ADD1: variants seen among roughly 807,000 people sequenced by gnomAD.
The protein encoded by ADD1 is adducin 1, also known as alpha-adducin.
ADD1 carries 24 observed loss-of-function variants against 80.5 expected under a neutral mutation model. That is an observed-to-expected ratio of 0.30 (90% CI 0.22 to 0.42). The LOEUF (loss-of-function observed/expected upper bound fraction) is 0.42, where lower values mean the gene tolerates loss of function less well. Among genes scored for constraint, ADD1 ranks in the 10% least tolerant of loss-of-function variants. The pLI is 1.00. For synonymous variants in ADD1, 373 were observed against 393.8 expected (o/e 0.95, Z 0.63); for missense variants, 948 against 1,019.0 (o/e 0.93, Z 0.95).
At chr4:2,915,558 G>A (rs1009336546) in intron 14 of ADD1, among the ~76,000 whole-genome samples, 1 of 152,160 alleles carries the variant, frequency 6.6e-6, no homozygotes, top group East Asian at 1.9e-4. Flanking sequence ...GGAGAATGGC[G>A]TGAACGTGGA....
intron 14 of ADD1, among the ~76,000 whole-genome samples, chr4:2,917,522 CTCTT>C: frequency 6.6e-6 from 1 of 152,274 alleles, no homozygotes. Flanking sequence ...TGTGCAGAAG[CTCTT>C]TAGTTTAATT....
intron 2 of ADD1, among the ~76,000 whole-genome samples, chr4:2,877,527 G>A (rs1295187209): frequency 6.6e-6 from 1 of 151,806 alleles, no homozygotes; most frequent in African/African-American, 2.4e-5. Context: ...CATTCTAGTC[G>A]AAGGAAATAA....
intron 1 of ADD1, chr4:2,854,929 C>A (rs1727842305): frequency 6.6e-6 from 1 of 152,210 alleles, no homozygotes. Context: ...CATTCTTCCT[C>A]TGGAGGTCGT....
Position 2,928,245 on chromosome 4 carries a change from C to A in ADD1, c.2122C>A (p.Pro708Thr). ...TAAGCCAACTCTCCCCGATCTGTCC[C>A]CTGATGAACCTTCAGAAGCACTCGG... ...TFKPTLPDLS[P>T]DEPSEALGFP... Residue 708 changes from proline (P) to threonine (T), a missense_variant, in exon 16 of 16, where the codon CCT becomes ACT. Transcript: ENST00000683351. 1 of 1,614,060 alleles carries A rather than the reference C, an allele frequency of 6.2e-7. No homozygotes were observed. The highest frequency in any genetic ancestry group is 8.5e-7 in the Non-Finnish European group (1 of 1,180,002).
chr4:2,898,492 C>T lies in ADD1; in HGVS notation c.945C>T (p.Phe315=). 1.2e-6 allele frequency: 2 copies of T among 1,614,214 alleles called. No individual in the cohort carries two copies. The highest frequency in any genetic ancestry group is 1.7e-6 in the Non-Finnish European group (2 of 1,180,032). The change falls in exon 8 of 16, where the codon TTC becomes TTT. Residue 315 remains phenylalanine (F), a synonymous_variant. Coordinates refer to ENST00000683351, the MANE Select transcript of ADD1 (RefSeq NM_001354761.2). ...VSVGESVEEA[F]YYIHNLVVAC... is the part of the protein sequence containing the mutation. Reference sequence around the variant, plus strand: ...TTGGAGAGAGCGTTGAGGAGGCCTTCTATTACATCCATAACCTTGTGGTTG... The same window carrying T: ...TTGGAGAGAGCGTTGAGGAGGCCTTTTATTACATCCATAACCTTGTGGTTG...
chr4:2,860,771 G>A (rs1728720561), intron 1 of ADD1, among the ~76,000 whole-genome samples: 1 of 152,160 alleles, frequency 6.6e-6, no homozygotes, highest in Non-Finnish European at 1.5e-5. Context: ...CATTTTACAT[G>A]CATTAACCTG....
At chr4:2,852,634 A>T (rs75033441) in intron 1 of ADD1, among the ~76,000 whole-genome samples, 2 of 151,288 alleles carry the variant, frequency 1.3e-5, no homozygotes, top group East Asian at 3.9e-4. Context: ...TGTCTGCAGC[A>T]TTCAGTGTCT....
chr4:2,847,891 C>A (rs1306886453), intron 1 of ADD1, among the ~76,000 whole-genome samples: 1 of 152,126 alleles, frequency 6.6e-6, no homozygotes, highest in African/African-American at 2.4e-5. Flanking sequence ...ATGCATCTAT[C>A]TCAGTGAGCA....
chr4:2,876,169 G>A, intron 2 of ADD1, 59 bp downstream of exon 2: 1 of 1,524,830 alleles, frequency 6.6e-7, no homozygotes, highest in African/African-American at 1.4e-5. Context: ...AATACTTCAG[G>A]TCTTATGCCC....
At chr4:2,846,854 A>C (rs1160825860) in intron 1 of ADD1, among the ~76,000 whole-genome samples, 1 of 150,004 alleles carries the variant, frequency 6.7e-6, no homozygotes, top group Non-Finnish European at 1.5e-5. Context: ...GTGGTGGCTC[A>C]CACCTGTAAT....
intron 9 of ADD1, chr4:2,901,772 C>CA (rs1182629807): frequency 1.3e-5 from 2 of 148,732 alleles, no homozygotes; most frequent in Admixed American, 6.7e-5. Flanking sequence ...TTCCTCTCCA[C>CA]AAAAAATAAA....
At chr4:2,894,824 C>T (rs1168976385) in intron 6 of ADD1, 93 bp downstream of exon 6, 1 of 1,312,668 alleles carries the variant, frequency 7.6e-7, no homozygotes, top group African/African-American at 1.6e-5. Flanking sequence ...TGTTTATAGT[C>T]AGTAAAACTA....
chr4:2,876,802 G>A (rs896040459), intron 2 of ADD1, among the ~76,000 whole-genome samples: 1 of 150,812 alleles, frequency 6.6e-6, no homozygotes, highest in Non-Finnish European at 1.5e-5. Context: ...TCATGCCACT[G>A]CACTTCAGCC....
At chr4:2,861,265 T>C (rs1186400238) in intron 1 of ADD1, among the ~76,000 whole-genome samples, 2 of 151,948 alleles carry the variant, frequency 1.3e-5, no homozygotes, top group Non-Finnish European at 1.5e-5. Context: ...GGGTCAAGAG[T>C]GCAGATTTTA....
At chr4:2,899,230 C>T (rs1158044101) in intron 8 of ADD1, 29 bp from the exon 9 acceptor site, 2 of 1,584,934 alleles carry the variant, frequency 1.3e-6, no homozygotes, top group South Asian at 2.3e-5. Flanking sequence ...GTAAGGAACT[C>T]AAGCCATGCT....
intron 9 of ADD1, among the ~76,000 whole-genome samples, chr4:2,904,043 G>A (rs1022532404): frequency 3.9e-5 from 6 of 152,202 alleles, no homozygotes; most frequent in Non-Finnish European, 1.5e-5. Flanking sequence ...TATTTAAACT[G>A]TAACTTAAGA....
intron 10 of ADD1, among the ~76,000 whole-genome samples, chr4:2,905,989 G>A (rs921969251): frequency 7.9e-5 from 12 of 152,330 alleles, no homozygotes; most frequent in South Asian, 4.1e-4. Context: ...GACAGGGGCT[G>A]AAGCAGACTC....
rs887297803 is a variant in ADD1, at chr4:2,921,643, T to C, written c.1949-4371T>C. On this transcript the variant is annotated intron_variant, in intron 14 of 15. Transcript: ENST00000683351. ...GGTTGCTCTTCTTGAGGAGTATCTCTGTGGTGTTTCTGTATTTCGTGAATT... is the reference window on the plus strand; with the variant it reads ...GGTTGCTCTTCTTGAGGAGTATCTCCGTGGTGTTTCTGTATTTCGTGAATT... 4.6e-5 allele frequency among the ~76,000 whole-genome samples: 7 copies of C among 152,176 alleles called. No individual in the cohort carries two copies. The East Asian group carries it at 1.3e-3, about 29-fold the overall frequency.
chr4:2,878,821 G>A (rs1316370247), intron 2 of ADD1, among the ~76,000 whole-genome samples: 2 of 152,108 alleles, frequency 1.3e-5, no homozygotes, highest in Non-Finnish European at 2.9e-5. Flanking sequence ...GCAAGAAAGG[G>A]ATTACAATGT....
Sources: gnomAD v4.1 joint callset for allele counts (sites outside exome capture counted in the v4.1 genomes callset) on GRCh38, gnomAD v4.1.1 for gene constraint, MANE v1.5 for transcripts, NCBI Gene and HGNC (gene_info 2026-07-23, HGNC 2026-07-21) for gene names.